The following AGL variants were observed in gnomAD, a reference collection of about 807,000 sequenced individuals.
AGL encodes amylo-alpha-1,6-glucosidase and 4-alpha-glucanotransferase.
Under a neutral mutation model 199.3 loss-of-function variants are expected in AGL, and 128 were observed. The observed-to-expected ratio is 0.64, with a 90% CI of 0.56 to 0.74. The LOEUF is 0.74. AGL is among the 30% of genes least tolerant of loss of function. AGL has a pLI of 0.00. For synonymous variants in AGL, 584 were observed against 594.7 expected (o/e 0.98, Z 0.26); for missense variants, 1,809 against 1,820.8 (o/e 0.99, Z 0.12).
At chr1:99,871,410 GC>G (rs5776495) in intron 7 of AGL, among the ~76,000 whole-genome samples, 5,088 of 141,558 alleles carry the variant, frequency 0.036, 140 homozygotes, top group Non-Finnish European at 0.053. Flanking sequence ...CAGTTAATGT[GC>G]CCCCCCCCCC....
chr1:99,888,874 C>T (rs1441411239), intron 21 of AGL, among the ~76,000 whole-genome samples: 1 of 152,118 alleles, frequency 6.6e-6, no homozygotes, highest in African/African-American at 2.4e-5. Context: ...TTAACTATTG[C>T]TTTTTACAGT....
chr1:99,859,557 ATT>A lies in AGL; in HGVS notation c.83-1937_83-1936del, dbSNP rs11354427. ...AGAATAAATTAAAAGTGGTTATTAC[ATT>A]TTTTTTTTAATGGAGTCTTGCTCTG... On this transcript the variant is annotated intron_variant, in intron 2 of 33. Coordinates refer to ENST00000361915, the MANE Select transcript of AGL (RefSeq NM_000642.3). Among the ~76,000 whole-genome samples the A allele has an allele frequency of 4.2e-4, 64 of 151,366 alleles. No homozygotes were observed. In the East Asian group the frequency reaches 9.7e-3, roughly 23 times the overall value.
Position 99,907,686 on chromosome 1 carries a change from G to GTTTTTTTTTTTTTTT in AGL, c.3701-3020_3701-3019insTTTTTTTTTTTTTTT, listed in dbSNP as rs1238445536. 1.7e-4 allele frequency among the ~76,000 whole-genome samples: 10 copies of GTTTTTTTTTTTTTTT among 59,870 alleles called. 1 individual carries two copies. The highest frequency in any genetic ancestry group is 3.9e-4 in the African/African-American group (7 of 17,756). 39.3% of individuals were successfully genotyped at this position (59,870 alleles called of 152,430 possible). On this transcript the variant is annotated intron_variant, in intron 27 of 33. Transcript: ENST00000361915. ...TTTTTGTTTTTGTTCGTTTGTTTTT[G>GTTTTTTTTTTTTTTT]TTTTTTGTTTTTTTTGCTAGTAGCC...
intron 5 of AGL, 24 bp downstream of exon 5, chr1:99,864,613 CATTA>C: frequency 6.3e-7 from 1 of 1,592,450 alleles, no homozygotes; most frequent in Non-Finnish European, 8.6e-7. Flanking sequence ...TGACTGCCTT[CATTA>C]ATTTTGATGA....
intron 27 of AGL, among the ~76,000 whole-genome samples, chr1:99,909,140 C>G (rs573029544): frequency 1.3e-5 from 2 of 152,206 alleles, no homozygotes; most frequent in East Asian, 3.9e-4. Context: ...TCTCTGCTGA[C>G]AGCATGCTGT....
intron 33 of AGL, among the ~76,000 whole-genome samples, chr1:99,919,164 A>G (rs1275674887): frequency 1.3e-5 from 2 of 152,204 alleles, no homozygotes; most frequent in Non-Finnish European, 2.9e-5. Flanking sequence ...GAAGTCTGCC[A>G]GGCTCCACCT....
At chr1:99,894,825 AC>A (rs1327923941) in intron 24 of AGL, among the ~76,000 whole-genome samples, 3 of 152,194 alleles carry the variant, frequency 2.0e-5, no homozygotes, top group Non-Finnish European at 4.4e-5. Flanking sequence ...ATATACAGTT[AC>A]AATTTTCAAT....
intron 1 of AGL, 51 bp from the exon 2 acceptor site, chr1:99,850,924 A>C: frequency 1.2e-6 from 1 of 846,710 alleles, no homozygotes; most frequent in Non-Finnish European, 2.0e-6. Context: ...AGCTCTGGAG[A>C]GTTTAAGGCA....
chr1:99,887,160 G>A (rs10875274), intron 20 of AGL, among the ~76,000 whole-genome samples: 78,449 of 152,002 alleles, frequency 0.52, 20,691 homozygotes, highest in East Asian at 0.68. Flanking sequence ...AAATGGGAAA[G>A]AAAGATACAC....
chr1:99,864,023 A>G (rs1650296637), intron 4 of AGL, among the ~76,000 whole-genome samples: 1 of 152,202 alleles, frequency 6.6e-6, no homozygotes, highest in African/African-American at 2.4e-5. Context: ...AAAACAGAAT[A>G]CAAGTACTAT....
At chr1:99,906,123 G>A (rs1654269919) in intron 27 of AGL, among the ~76,000 whole-genome samples, 2 of 152,028 alleles carry the variant, frequency 1.3e-5, no homozygotes, top group African/African-American at 4.8e-5. Flanking sequence ...CCTAATTGAA[G>A]CAGGAACTCC....
chr1:99,909,410 G>A (rs1332135119), intron 27 of AGL, among the ~76,000 whole-genome samples: 1 of 152,112 alleles, frequency 6.6e-6, no homozygotes, highest in Admixed American at 6.5e-5. Context: ...CCAGGTAGGG[G>A]ATAGGAGTCC....
chr1:99,893,501 T>G (rs1245725295), intron 24 of AGL, among the ~76,000 whole-genome samples: 1 of 152,226 alleles, frequency 6.6e-6, no homozygotes, highest in African/African-American at 2.4e-5. Context: ...GAAACTGACC[T>G]TAGCCATAGG....
At chr1:99,859,169 G>C (rs1649816615) in intron 2 of AGL, among the ~76,000 whole-genome samples, 1 of 152,062 alleles carries the variant, frequency 6.6e-6, no homozygotes, top group South Asian at 2.1e-4. Flanking sequence ...TTCTCCTAAA[G>C]ATAAATTTAG....
intron 11 of AGL, among the ~76,000 whole-genome samples, chr1:99,877,433 T>C (rs890181545): frequency 4.6e-5 from 7 of 152,190 alleles, no homozygotes; most frequent in Non-Finnish European, 1.5e-5. Flanking sequence ...TAGAAGAGAC[T>C]GTAAGCTAGA....
At chr1:99,857,848 G>GGCCGT (rs1649687586) in intron 2 of AGL, among the ~76,000 whole-genome samples, 1 of 33,610 alleles carries the variant, frequency 3.0e-5, no homozygotes, top group African/African-American at 1.2e-4. Context: ...GGGAGGGGGA[G>GGCCGT]GGGGGAAGAG....
At chr1:99,915,154 C>T (rs1655019525) in intron 30 of AGL, among the ~76,000 whole-genome samples, 1 of 152,120 alleles carries the variant, frequency 6.6e-6, no homozygotes, top group Non-Finnish European at 1.5e-5. Flanking sequence ...GAGTAACTTT[C>T]TTGAGGTGAC....
chr1:99,917,774 T>G (rs1420683171), intron 33 of AGL, among the ~76,000 whole-genome samples: 5 of 152,170 alleles, frequency 3.3e-5, no homozygotes, highest in Non-Finnish European at 5.9e-5. Context: ...GATATACCAC[T>G]TCAAGTAAGG....
At chr1:99,892,352 T>G in intron 23 of AGL, 80 bp from the exon 24 acceptor site, 1 of 1,284,816 alleles carries the variant, frequency 7.8e-7, no homozygotes, top group Non-Finnish European at 1.1e-6. Flanking sequence ...AAAAATCATT[T>G]GAAGGAAAGA....
Sources: gnomAD v4.1 joint callset for allele counts (sites outside exome capture counted in the v4.1 genomes callset) on GRCh38, gnomAD v4.1.1 for gene constraint, MANE v1.5 for transcripts, NCBI Gene and HGNC (gene_info 2026-07-23, HGNC 2026-07-21) for gene names.